NIT1: variants seen among roughly 807,000 people sequenced by gnomAD.
The protein encoded by NIT1 is nitrilase 1.
A neutral mutation model predicts 36.8 loss-of-function variants in NIT1; 30 were observed. The observed-to-expected ratio is 0.82, with a 90% CI of 0.61 to 1.11. NIT1 has a LOEUF of 1.11. NIT1 is among the 50% of genes least tolerant of loss of function. NIT1 has a pLI of 0.00. For missense variants in NIT1, 438 were observed against 410.6 expected (o/e 1.07, Z -0.58); for synonymous variants, 151 against 155.6 (o/e 0.97, Z 0.22).
At chr1:161,122,201 A>G, downstream of NIT1, 2 of 1,614,054 alleles carry the variant, frequency 1.2e-6, no homozygotes, top group African/African-American at 1.3e-5. The surrounding 1 kb of genome is among the most constrained non-coding windows in gnomAD (Gnocchi z 4.2). Context: ...GGCCCAGCTC[A>G]TAGTCCTCCT....
chr1:161,119,455 G>A, intron 3 of NIT1, 54 bp from the exon 4 acceptor site: 2 of 1,613,456 alleles, frequency 1.2e-6, no homozygotes, highest in Non-Finnish European at 1.7e-6. Context: ...TGCCAGATAT[G>A]AGGGTAGAGC....
chr1:161,119,380 G>C lies in NIT1; in HGVS notation c.345G>C (p.Gln115His). The change falls in exon 3 of 7, where the codon CAG becomes CAC. Residue 115 changes from glutamine to histidine, a missense_variant. Physicochemically the swap from Gln to His is conservative, Grantham distance 24. Transcript: ENST00000368009. ...LGGKLLEEYT[Q>H]LARECGLWLS... ...GGAAACTTTTGGAAGAATACACCCA[G>C]CTTGCCAGGTATCAGGGAAATAGCG... 1 of 1,613,832 alleles carries C rather than the reference G, an allele frequency of 6.2e-7. No individual in the cohort carries two copies. Among genetic ancestry groups the C allele is most frequent in the Non-Finnish European group, 8.5e-7 (1 of 1,179,686 alleles).
In NIT1 at chr1:161,118,887, A is replaced by G; in HGVS notation, c.98+6A>G. ...GTACTTTGTGCTCAGCCCAGGTAAC[A>G]CGTTTTGTTGTGTCCTCAGTGCCTG... On this transcript the variant is annotated splice_donor_region_variant and intron_variant, in intron 2 of 6. Coordinates refer to ENST00000368009, the MANE Select transcript of NIT1 (RefSeq NM_005600.3). The G allele has an allele frequency of 6.2e-7, 1 of 1,608,364 alleles. No individual in the cohort carries two copies. Among genetic ancestry groups the G allele is most frequent in the Non-Finnish European group, 8.5e-7 (1 of 1,174,838 alleles).
Position 161,120,665 on chromosome 1 carries a change from G to T in NIT1, c.884G>T (p.Arg295Leu), listed in dbSNP as rs199912934. 2 of 1,614,140 alleles carry T rather than the reference G, an allele frequency of 1.2e-6. No individual in the cohort carries two copies. The highest frequency in any genetic ancestry group is 1.3e-5 in the African/African-American group (1 of 75,046). Residue 295 changes from arginine to leucine, a missense_variant, in exon 7 of 7, where the codon CGA (arginine) becomes CTA (leucine). By Grantham distance (102) the Arg-to-Leu change is moderately radical. Coordinates refer to ENST00000368009, the MANE Select transcript of NIT1 (RefSeq NM_005600.3). ...GAGGGGCCAGGCCTCTGCCTTGCCC[G>T]AATAGACCTCAACTATCTGCGACAG... Reference protein sequence around the residue: ...CSEGPGLCLARIDLNYLRQLR... With the variant: ...CSEGPGLCLALIDLNYLRQLR...
chr1:161,119,019 T>G, intron 2 of NIT1, 115 bp from the exon 3 acceptor site: 1 of 1,426,454 alleles, frequency 7.0e-7, no homozygotes, highest in Non-Finnish European at 9.8e-7. Context: ...ACGTGCCCTG[T>G]AAGAGCATGA....
downstream of NIT1, chr1:161,122,023 TTA>T: frequency 1.2e-5 from 14 of 1,162,838 alleles, no homozygotes; most frequent in South Asian, 3.2e-5. The surrounding 1 kb of genome is among the most constrained non-coding windows in gnomAD (Gnocchi z 4.2). Context: ...GTCTTTTTCT[TTA>T]AAAAAAAAAA....
intron 3 of NIT1, 35 bp from the exon 4 acceptor site, chr1:161,119,474 G>A: frequency 6.2e-7 from 1 of 1,613,140 alleles, no homozygotes; most frequent in Non-Finnish European, 8.5e-7. Flanking sequence ...GCCTTGAGAA[G>A]TCAGTGAAGA....
downstream of NIT1, chr1:161,124,466 G>A: frequency 6.3e-7 from 1 of 1,597,058 alleles, no homozygotes; most frequent in Non-Finnish European, 8.6e-7. Context: ...CCGCCATGCT[G>A]GGGGCTCAGG....
downstream of NIT1, chr1:161,124,519 C>T (rs1001988211): frequency 5.1e-6 from 8 of 1,553,800 alleles, no homozygotes; most frequent in East Asian, 1.4e-4. Context: ...GCTGCAATCC[C>T]CACCGTACTG....
At chr1:161,118,521 G>A in intron 1 of NIT1, 3 of 1,536,184 alleles carry the variant, frequency 2.0e-6, no homozygotes, top group South Asian at 1.2e-5. Context: ...CTGCGGAAAC[G>A]TTTGTCAGAG....
Position 161,120,555 on chromosome 1 carries a change from G to A in NIT1, c.774G>A (p.Gln258=). The part of the protein sequence containing the change: ...ETQCYVVAAA[Q]CGRHHEKRAS... ...AGTGCTATGTAGTGGCAGCAGCACA[G>A]TGTGGACGCCACCATGAGAAGAGAG... The change falls in exon 7 of 7, where the codon CAG becomes CAA. Residue 258 remains glutamine, a synonymous_variant. Transcript: ENST00000368009. 1.2e-6 allele frequency: 2 copies of A among 1,614,202 alleles called. No individual in the cohort carries two copies. Among genetic ancestry groups the A allele is most frequent in the South Asian group, 1.1e-5 (1 of 91,080 alleles).
chr1:161,119,861 T>G lies in NIT1; in HGVS notation c.500T>G (p.Val167Gly), dbSNP rs375837491. Residue 167 changes from valine (V) to glycine (G), a missense_variant, in exon 5 of 7, where the codon GTA (valine) becomes GGA (glycine). Coordinates refer to ENST00000368009, the MANE Select transcript of NIT1 (RefSeq NM_005600.3). ...TACAGGAAGACACATCTGTGTGACG[T>G]AGAGATTCCAGGGCAGGGGCCTATG... ...ATYRKTHLCD[V>G]EIPGQGPMCE... 41 of 1,612,362 alleles carry G rather than the reference T, an allele frequency of 2.5e-5. 1 individual carries two copies. Among genetic ancestry groups the G allele is most frequent in the Middle Eastern group, 1.7e-4 (1 of 5,806 alleles).
intron 1 of NIT1, chr1:161,118,582 CG>C: frequency 6.5e-7 from 1 of 1,536,204 alleles, no homozygotes; most frequent in South Asian, 1.2e-5. Context: ...ACTATTCAGG[CG>C]GCGAGCAGAG....
At chr1:161,122,054 A>T, downstream of NIT1, 251 of 1,203,388 alleles carry the variant, frequency 2.1e-4, no homozygotes, top group Middle Eastern at 3.0e-4. This position sits in a 1 kb window ranked among gnomAD's most constrained non-coding sequence, Gnocchi z 4.2. Context: ...CAGGGGTGTG[A>T]TTGGTTGGAA....
At position 161,118,194 on chromosome 1, in the gene NIT1, T is replaced by C. The variant is rs1655040084; in HGVS notation, c.2+16T>C. ...ATATCTTCATGTAGGACCTACTCCCTATCCCGTCGGCCGCGGTGAATCCCA... is the reference window on the plus strand; with the variant it reads ...ATATCTTCATGTAGGACCTACTCCCCATCCCGTCGGCCGCGGTGAATCCCA... On this transcript the variant is annotated intron_variant, in intron 1 of 6. Coordinates refer to ENST00000368009, the MANE Select transcript of NIT1 (RefSeq NM_005600.3). 6.2e-7 allele frequency: 1 copy of C among 1,613,962 alleles called. No homozygotes were observed. Among genetic ancestry groups the C allele is most frequent in the Non-Finnish European group, 8.5e-7 (1 of 1,179,954 alleles).
downstream of NIT1, chr1:161,123,931 A>G (rs1318503097): frequency 2.5e-6 from 4 of 1,613,960 alleles, no homozygotes; most frequent in Non-Finnish European, 3.4e-6. Flanking sequence ...ATACTTGTCT[A>G]CAAGATCAGG....
At chr1:161,118,615 T>C in intron 1 of NIT1, 171 bp from the exon 2 acceptor site, 2 of 1,531,770 alleles carry the variant, frequency 1.3e-6, no homozygotes, top group Middle Eastern at 1.7e-4. Context: ...ATCTTCCCAC[T>C]GTATGGTCTT....
chr1:161,118,521 G>T, intron 1 of NIT1: 1 of 1,536,184 alleles, frequency 6.5e-7, no homozygotes, highest in Non-Finnish European at 8.7e-7. Flanking sequence ...CTGCGGAAAC[G>T]TTTGTCAGAG....
downstream of NIT1, chr1:161,124,865 G>A (rs1045913860): frequency 3.1e-5 from 5 of 163,684 alleles, no homozygotes; most frequent in Admixed American, 2.4e-4. Flanking sequence ...GGAGGCTGAG[G>A]TGGGAGGAAG....
Sources: allele counts gnomAD v4.1 joint callset, GRCh38; gene constraint gnomAD v4.1.1; non-coding constraint Gnocchi (gnomAD v3.1); transcripts MANE v1.5; gene names NCBI Gene and HGNC (gene_info 2026-07-23, HGNC 2026-07-21).